PLPPR4: variants seen among roughly 807,000 people sequenced by gnomAD.
PLPPR4 encodes phospholipid phosphatase related 4, also known as phospholipid phosphatase-related protein type 4.
In PLPPR4, 24 loss-of-function variants were observed where a neutral mutation model predicts 56.6. That is an observed-to-expected ratio of 0.42 (90% CI 0.31 to 0.60). PLPPR4 has a LOEUF of 0.60. Among genes scored for constraint, PLPPR4 ranks in the 20% least tolerant of loss-of-function variants. The pLI is 0.13. For missense variants in PLPPR4, 654 were observed against 885.8 expected, an observed-to-expected ratio of 0.74 and a Z score of 3.32; for synonymous variants, 326 against 328.1, an observed-to-expected ratio of 0.99 and a Z score of 0.07.
chr1:99,292,371 G>GC (rs1557779603), intron 2 of PLPPR4, among the ~76,000 whole-genome samples: 1 of 152,164 alleles, frequency 6.6e-6, no homozygotes, highest in East Asian at 1.9e-4. Context: ...AGTTTGAGAT[G>GC]CTTTCTGAGA....
At chr1:99,279,973 T>C (rs1659281355) in intron 1 of PLPPR4, among the ~76,000 whole-genome samples, 1 of 152,176 alleles carries the variant, frequency 6.6e-6, no homozygotes, top group South Asian at 2.1e-4. Flanking sequence ...AGATCTCAGA[T>C]TGGAACAAAC....
intron 2 of PLPPR4, among the ~76,000 whole-genome samples, chr1:99,288,570 A>G (rs1659532540): frequency 6.6e-6 from 1 of 152,164 alleles, no homozygotes; most frequent in Non-Finnish European, 1.5e-5. Context: ...ATTTCTTACT[A>G]GATTATCACT....
Position 99,301,871 on chromosome 1 carries a change from A to G in PLPPR4, c.796A>G (p.Ile266Val), listed in dbSNP as rs760141215. The part of the protein sequence containing the change: ...HPVDVYCGFL[I>V]GGGIALYLGL... ...AGTTGATGTCTATTGTGGCTTTTTAATAGGAGGAGGAATTGCACTGTACTT... is the reference window on the plus strand; with the variant it reads ...AGTTGATGTCTATTGTGGCTTTTTAGTAGGAGGAGGAATTGCACTGTACTT... Residue 266 changes from isoleucine (I) to valine (V), a missense_variant, in exon 6 of 7, where the codon ATA (isoleucine) becomes GTA (valine). Around this residue, in one of 2 missense-constraint regions of PLPPR4, gnomAD observed 186 missense variants for 331.4 expected, o/e 0.56. Transcript: ENST00000370185. The G allele has an allele frequency of 5.0e-6, 8 of 1,611,476 alleles. No homozygotes were observed. The highest frequency in any genetic ancestry group is 6.8e-6 in the Non-Finnish European group (8 of 1,178,322).
At chr1:99,286,893 TTTG>T (rs773061877) in intron 1 of PLPPR4, among the ~76,000 whole-genome samples, 2 of 152,214 alleles carry the variant, frequency 1.3e-5, no homozygotes, top group Non-Finnish European at 2.9e-5. Context: ...TCTGAAATAC[TTTG>T]TTGTTGTTGT....
intron 1 of PLPPR4, among the ~76,000 whole-genome samples, chr1:99,269,997 TTGTGTG>T (rs10612152): frequency 0.25 from 34,045 of 134,368 alleles, 4,201 homozygotes; most frequent in East Asian, 0.31. Context: ...TTCATTCCTT[TTGTGTG>T]TGTGTGTGTG....
chr1:99,289,725 G>A (rs372211842), intron 2 of PLPPR4, among the ~76,000 whole-genome samples: 2 of 152,040 alleles, frequency 1.3e-5, no homozygotes, highest in African/African-American at 4.8e-5. Context: ...TGCGGAAAAG[G>A]TTTTCAATAA....
intron 1 of PLPPR4, among the ~76,000 whole-genome samples, chr1:99,276,282 G>A (rs1016042563): frequency 6.6e-6 from 1 of 152,036 alleles, no homozygotes; most frequent in Non-Finnish European, 1.5e-5. Context: ...TCTAATCTCT[G>A]AAATTAGATG....
chr1:99,287,081 G>T (rs929749941), intron 1 of PLPPR4, among the ~76,000 whole-genome samples: 2 of 151,920 alleles, frequency 1.3e-5, no homozygotes, highest in African/African-American at 4.8e-5. Flanking sequence ...TTGTTCCCCT[G>T]TCTGTGTCCA....
Position 99,301,810 on chromosome 1 carries a change from C to T in PLPPR4, c.735C>T (p.Cys245=), listed in dbSNP as rs142067527. 4.0e-5 allele frequency: 65 copies of T among 1,611,894 alleles called. No homozygotes were observed. The highest frequency in any genetic ancestry group is 2.3e-4 in the African/African-American group (17 of 74,826). ...CATTTATCATCTGTGGAATAATCTG[C>T]GGGCTAACACGGATAACTCAGTATA... is the stretch of plus-strand genomic sequence containing the variant. ...VFTFIICGII[C]GLTRITQYKN... is the part of the protein sequence containing the mutation. Residue 245 remains cysteine (C), a synonymous_variant, in exon 6 of 7, where the codon TGC becomes TGT. Transcript: ENST00000370185.
chr1:99,279,377 A>T (rs1659268504), intron 1 of PLPPR4, among the ~76,000 whole-genome samples: 1 of 152,184 alleles, frequency 6.6e-6, no homozygotes, highest in Non-Finnish European at 1.5e-5. Flanking sequence ...TTCACTAGGG[A>T]AGACAAAAGT....
intron 2 of PLPPR4, among the ~76,000 whole-genome samples, chr1:99,293,894 T>C (rs1019271399): frequency 1.3e-5 from 2 of 152,114 alleles, no homozygotes; most frequent in African/African-American, 4.8e-5. Context: ...TCCCCTGAAG[T>C]AGTCATTATA....
intron 1 of PLPPR4, among the ~76,000 whole-genome samples, chr1:99,264,926 G>T (rs1052157227): frequency 6.6e-6 from 1 of 152,178 alleles, no homozygotes; most frequent in Non-Finnish European, 1.5e-5. Flanking sequence ...ACCTGTGTGA[G>T]TGAGTGTGGT....
At chr1:99,270,814 C>T (rs1266492079) in intron 1 of PLPPR4, among the ~76,000 whole-genome samples, 6 of 152,170 alleles carry the variant, frequency 3.9e-5, no homozygotes, top group Admixed American at 3.9e-4. Context: ...GAAGTAGAGT[C>T]TGCTTAAAGA....
chr1:99,264,775 G>A, intron 1 of PLPPR4, 104 bp downstream of exon 1: 1 of 1,289,490 alleles, frequency 7.8e-7, no homozygotes, highest in Non-Finnish European at 1.1e-6. Flanking sequence ...TGCCGGGCGC[G>A]CGCGGCTGTC....
chr1:99,284,110 A>C (rs1165429342), intron 1 of PLPPR4, among the ~76,000 whole-genome samples: 1 of 152,178 alleles, frequency 6.6e-6, no homozygotes, highest in Non-Finnish European at 1.5e-5. Flanking sequence ...AATCGAAACA[A>C]GTCTGTGTAA....
At chr1:99,296,663 T>C (rs1659749317) in intron 2 of PLPPR4, 75 bp from the exon 3 acceptor site, 2 of 1,239,098 alleles carry the variant, frequency 1.6e-6, no homozygotes, top group Non-Finnish European at 2.2e-6. Context: ...AAAAGTGATA[T>C]ATAATTCCTT....
intron 1 of PLPPR4, among the ~76,000 whole-genome samples, chr1:99,272,502 G>A (rs1273382066): frequency 3.3e-5 from 5 of 152,038 alleles, no homozygotes; most frequent in African/African-American, 1.2e-4. Context: ...AATTGCGCTG[G>A]CTGTTTGTGC....
intron 6 of PLPPR4, among the ~76,000 whole-genome samples, chr1:99,303,580 A>G (rs1403125285): frequency 6.6e-6 from 1 of 152,224 alleles, no homozygotes; most frequent in Non-Finnish European, 1.5e-5. Context: ...AGAAGAGCTG[A>G]CAGAAGTAAA....
chr1:99,276,211 A>G (rs1659182048), intron 1 of PLPPR4, among the ~76,000 whole-genome samples: 1 of 152,156 alleles, frequency 6.6e-6, no homozygotes, highest in Admixed American at 6.5e-5. Flanking sequence ...AAGTGTGTAT[A>G]AAGATGTGTA....
Sources: gnomAD v4.1 joint callset for allele counts (sites outside exome capture counted in the v4.1 genomes callset) on GRCh38, gnomAD v4.1.1 for gene constraint, gnomAD v4.1.1 regional missense constraint, MANE v1.5 for transcripts, NCBI Gene and HGNC (gene_info 2026-07-23, HGNC 2026-07-21) for gene names.